SDK1: variants seen among roughly 807,000 people sequenced by gnomAD.
SDK1 encodes sidekick cell adhesion molecule 1.
A neutral mutation model predicts 245.5 loss-of-function variants in SDK1; 157 were observed. The observed-to-expected ratio is 0.64, with a 90% CI of 0.56 to 0.73. SDK1 has a LOEUF of 0.73. Among genes scored for constraint, SDK1 ranks in the 30% least tolerant of loss-of-function variants. The probability of loss-of-function intolerance (pLI) is 0.00; values close to 1 mark genes in which losing one functional copy is unlikely to be tolerated. For missense variants in SDK1, 3,583 were observed against 3,002.3 expected (o/e 1.19, Z -4.52); for synonymous variants, 1,647 against 1,278.5 (o/e 1.29, Z -6.15).
chr7:3,400,257 T>C lies in SDK1; in HGVS notation c.298+98373T>C, dbSNP rs539217183. Among the ~76,000 whole-genome samples the C allele has an allele frequency of 1.1e-4, 16 of 152,296 alleles. No individual in the cohort carries two copies. The East Asian group carries it at 2.9e-3, about 28-fold the overall frequency. On this transcript the variant is annotated intron_variant, in intron 1 of 44. Transcript: ENST00000404826. The stretch of plus-strand genomic sequence containing the variant: ...ATGAACCAAGCCTTTCTAGCCAAGA[T>C]TCAGCAGCTTTCCTAAGATAATGCT...
At chr7:4,246,931 A>G (rs938113028) in intron 44 of SDK1, among the ~76,000 whole-genome samples, 1 of 152,168 alleles carries the variant, frequency 6.6e-6, no homozygotes, top group Non-Finnish European at 1.5e-5. Flanking sequence ...AGGGGGCTCT[A>G]AGCAGGGGGC....
At chr7:4,101,640 C>T (rs17134377) in intron 22 of SDK1, among the ~76,000 whole-genome samples, 11,251 of 152,118 alleles carry the variant, frequency 0.074, 468 homozygotes, top group African/African-American at 0.099. Flanking sequence ...ACGATGGTGT[C>T]GTGACCAGAA....
At chr7:3,375,585 T>C (rs2128564906) in intron 1 of SDK1, among the ~76,000 whole-genome samples, 1 of 152,320 alleles carries the variant, frequency 6.6e-6, no homozygotes, top group South Asian at 2.1e-4. Flanking sequence ...ACCTCTGTCT[T>C]GTGCTCCCTT....
intron 4 of SDK1, among the ~76,000 whole-genome samples, chr7:3,807,400 C>T (rs1779278715): frequency 6.6e-6 from 1 of 152,196 alleles, no homozygotes; most frequent in Admixed American, 6.5e-5. Context: ...TAGTCGCGCT[C>T]CCGGTAGATG....
chr7:3,688,563 G>C (rs1363896065), intron 4 of SDK1, among the ~76,000 whole-genome samples: 10 of 152,242 alleles, frequency 6.6e-5, no homozygotes, highest in Admixed American at 5.9e-4. Context: ...AGCAGTAGTG[G>C]TGCAGAGGAA....
intron 4 of SDK1, among the ~76,000 whole-genome samples, chr7:3,812,337 G>A (rs1031545553): frequency 6.6e-6 from 1 of 152,140 alleles, no homozygotes; most frequent in Non-Finnish European, 1.5e-5. Flanking sequence ...ATTAAATACT[G>A]GAGGATCCTT....
At chr7:3,434,263 T>G (rs1583851498) in intron 1 of SDK1, among the ~76,000 whole-genome samples, 3 of 152,338 alleles carry the variant, frequency 2.0e-5, no homozygotes, top group Admixed American at 2.0e-4. Context: ...AAAATTCTTC[T>G]AATGCAGATG....
At chr7:3,316,892 C>G (rs1051705302) in intron 1 of SDK1, among the ~76,000 whole-genome samples, 3 of 152,010 alleles carry the variant, frequency 2.0e-5, no homozygotes, top group Admixed American at 1.3e-4. Context: ...TAAAAAGGGT[C>G]TGGGGGTCTG....
chr7:3,565,329 A>G (rs1265698313), intron 1 of SDK1, among the ~76,000 whole-genome samples: 1 of 152,178 alleles, frequency 6.6e-6, no homozygotes, highest in Non-Finnish European at 1.5e-5. Flanking sequence ...TGTCAGACCT[A>G]TTCAACAGAG....
intron 40 of SDK1, among the ~76,000 whole-genome samples, chr7:4,232,402 C>CTTTTTTTTTTTTTTTTTTTTTTTTTTTTT (rs1234788967): frequency 1.5e-5 from 1 of 65,066 alleles, no homozygotes; most frequent in Admixed American, 1.4e-4. Flanking sequence ...CTTTTCTTTT[C>CTTTTTTTTTTTTTTTTTTTTTTTTTTTTT]TTTTCTTTCT....
chr7:3,415,054 G>C (rs552231573), intron 1 of SDK1, among the ~76,000 whole-genome samples: 1 of 152,068 alleles, frequency 6.6e-6, no homozygotes, highest in South Asian at 2.1e-4. Context: ...GTTTTTTTGT[G>C]GACACATTTT....
intron 13 of SDK1, among the ~76,000 whole-genome samples, chr7:3,980,558 C>T (rs376977486): frequency 1.3e-5 from 2 of 152,192 alleles, no homozygotes; most frequent in Non-Finnish European, 2.9e-5. Flanking sequence ...GAAATGGATT[C>T]AGAATATATT....
chr7:3,910,091 A>G (rs1474421048), intron 5 of SDK1, among the ~76,000 whole-genome samples: 3 of 152,260 alleles, frequency 2.0e-5, no homozygotes, highest in East Asian at 1.9e-4. Flanking sequence ...TTGCAGGGGG[A>G]AAAAGAAAAA....
At chr7:3,681,466 C>T (rs1784098289) in intron 4 of SDK1, among the ~76,000 whole-genome samples, 1 of 152,258 alleles carries the variant, frequency 6.6e-6, no homozygotes, top group East Asian at 1.9e-4. Context: ...TGAGTTTTAC[C>T]TCAGAATGGA....
intron 1 of SDK1, among the ~76,000 whole-genome samples, chr7:3,409,241 T>C (rs1318155052): frequency 6.6e-6 from 1 of 152,134 alleles, no homozygotes; most frequent in Non-Finnish European, 1.5e-5. Flanking sequence ...TTAATCCTCA[T>C]ATCCTTAATC....
At chr7:3,392,217 C>A (rs1198623579) in intron 1 of SDK1, among the ~76,000 whole-genome samples, 3 of 151,948 alleles carry the variant, frequency 2.0e-5, no homozygotes, top group East Asian at 1.9e-4. Flanking sequence ...CATGATGAAC[C>A]CCATGTACTC....
At chr7:3,558,586 C>T (rs1358422824) in intron 1 of SDK1, among the ~76,000 whole-genome samples, 1 of 152,280 alleles carries the variant, frequency 6.6e-6, no homozygotes, top group Middle Eastern at 3.4e-3. Context: ...GGTTATTGCT[C>T]TGTGAAGGGA....
At chr7:3,626,852 A>G (rs1782138643) in intron 2 of SDK1, among the ~76,000 whole-genome samples, 1 of 152,180 alleles carries the variant, frequency 6.6e-6, no homozygotes, top group Non-Finnish European at 1.5e-5. Flanking sequence ...GTAATCCAAA[A>G]GAGCCTAAAG....
intron 4 of SDK1, among the ~76,000 whole-genome samples, chr7:3,818,012 T>A (rs569364916): frequency 7.9e-5 from 12 of 152,358 alleles, no homozygotes; most frequent in Non-Finnish European, 1.3e-4. Context: ...GGTTAGCTTG[T>A]TCTTTATGAT....
Sources: allele counts gnomAD v4.1 joint callset (sites outside exome capture counted in the v4.1 genomes callset), GRCh38; gene constraint gnomAD v4.1.1; transcripts MANE v1.5; gene names NCBI Gene and HGNC (gene_info 2026-07-23, HGNC 2026-07-21).